TENM3: variants seen among roughly 807,000 people sequenced by gnomAD.
The protein encoded by TENM3 is teneurin-3.
In TENM3, 63 loss-of-function variants were observed where a neutral mutation model predicts 255.1. The ratio of observed to expected loss-of-function variants is 0.25; its 90% CI spans 0.20 to 0.30. TENM3 has a LOEUF of 0.30. TENM3 is among the 10% of genes least tolerant of loss of function. TENM3 has a pLI of 1.00. For synonymous variants in TENM3, 1,306 were observed against 1,322.3 expected (o/e 0.99, Z 0.27); for missense variants, 2,929 against 3,461.1 (o/e 0.85, Z 3.86).
intron 3 of TENM3, among the ~76,000 whole-genome samples, chr4:182,363,824 T>G (rs1325534672): frequency 6.6e-6 from 1 of 152,050 alleles, no homozygotes; most frequent in Non-Finnish European, 1.5e-5. Context: ...CCCTTCCAAC[T>G]GGTTAATATA....
intron 20 of TENM3, 23 bp downstream of exon 20, chr4:182,752,055 G>A (rs761284439): frequency 6.8e-5 from 91 of 1,331,796 alleles, no homozygotes; most frequent in Middle Eastern, 2.5e-4. Context: ...GGCGATTTGA[G>A]GATTTCTTTT....
At chr4:182,104,392 G>A in the TENM3 span, among the ~76,000 whole-genome samples, 1 of 151,960 alleles carries the variant, frequency 6.6e-6, no homozygotes, top group African/African-American at 2.4e-5. Flanking sequence ...TCCTTTCCAG[G>A]GACCTGCAAA....
At position 182,382,050 on chromosome 4, in the gene TENM3, G is replaced by A. The variant is rs72995421; in HGVS notation, c.511+35121G>A. Among the ~76,000 whole-genome samples the A allele has an allele frequency of 3.0e-3, 456 of 152,294 alleles. 3 individuals are homozygous for A. Among genetic ancestry groups the A allele is most frequent in the African/African-American group, 0.011 (438 of 41,550 alleles). On this transcript the variant is annotated intron_variant, in intron 3 of 27. Transcript: ENST00000511685. ...GTAGAGAAACCTAGGACGATGCTCT[G>A]ATAGAATGTATTAAAGAGGGAATTA...
intron 3 of TENM3, among the ~76,000 whole-genome samples, chr4:182,527,111 A>C (rs558230260): frequency 6.6e-6 from 1 of 152,340 alleles, no homozygotes; most frequent in Admixed American, 6.5e-5. Flanking sequence ...TTGAAAGCAA[A>C]TATTTCAATT....
chr4:182,060,997 AG>A, the TENM3 span, among the ~76,000 whole-genome samples: 1 of 152,184 alleles, frequency 6.6e-6, no homozygotes, highest in African/African-American at 2.4e-5. Context: ...CAGAAAGTTC[AG>A]GATGTGGTTC....
intron 4 of TENM3, among the ~76,000 whole-genome samples, chr4:182,624,627 G>A (rs1750651730): frequency 6.6e-6 from 1 of 152,124 alleles, no homozygotes; most frequent in Non-Finnish European, 1.5e-5. Flanking sequence ...CTGGAGGGAA[G>A]CCCTTTCTCC....
the TENM3 span, among the ~76,000 whole-genome samples, chr4:181,574,507 C>T: frequency 2.0e-5 from 3 of 150,280 alleles, no homozygotes; most frequent in African/African-American, 4.9e-5. Flanking sequence ...GTCCGCAGTC[C>T]GGCCTGGGCG....
the TENM3 span, among the ~76,000 whole-genome samples, chr4:181,876,409 A>G: frequency 6.6e-6 from 1 of 152,174 alleles, no homozygotes; most frequent in East Asian, 1.9e-4. Flanking sequence ...CTTATAGAAG[A>G]TTCAAACTGT....
chr4:182,019,079 C>T, the TENM3 span, among the ~76,000 whole-genome samples: 16 of 152,180 alleles, frequency 1.1e-4, no homozygotes, highest in Admixed American at 3.9e-4. Flanking sequence ...TGTCCTATTG[C>T]CTGGGCTGGT....
At chr4:182,585,221 T>C (rs979078041) in intron 3 of TENM3, among the ~76,000 whole-genome samples, 2 of 152,152 alleles carry the variant, frequency 1.3e-5, no homozygotes, top group Admixed American at 1.3e-4. Context: ...ATTACCCCAT[T>C]TTACAGGTGA....
the TENM3 span, among the ~76,000 whole-genome samples, chr4:181,641,554 G>GTATATA: frequency 0.038 from 1,011 of 26,566 alleles, 50 homozygotes; most frequent in East Asian, 0.13. Flanking sequence ...TGGTGTGTGT[G>GTATATA]TATATATATA....
chr4:182,543,009 T>A (rs1213732156), intron 3 of TENM3, among the ~76,000 whole-genome samples: 1 of 152,248 alleles, frequency 6.6e-6, no homozygotes, highest in Non-Finnish European at 1.5e-5. Flanking sequence ...CCAAGCCGTC[T>A]AACTTTGGAA....
At chr4:181,759,978 G>A in the TENM3 span, among the ~76,000 whole-genome samples, 1,593 of 152,158 alleles carry the variant, frequency 0.01, 30 homozygotes, top group African/African-American at 0.036. Flanking sequence ...AGAGCCGATA[G>A]GTCTGGCTCT....
chr4:181,686,771 A>T, the TENM3 span, among the ~76,000 whole-genome samples: 4 of 152,144 alleles, frequency 2.6e-5, no homozygotes, highest in African/African-American at 9.7e-5. Flanking sequence ...GTTTATTTTT[A>T]AAATCACTGT....
chr4:182,127,011 G>A, the TENM3 span, among the ~76,000 whole-genome samples: 1 of 152,224 alleles, frequency 6.6e-6, no homozygotes, highest in Non-Finnish European at 1.5e-5. Context: ...AAATGCATAT[G>A]TGGTATTTAA....
At chr4:181,574,488 G>A in the TENM3 span, among the ~76,000 whole-genome samples, 11 of 150,672 alleles carry the variant, frequency 7.3e-5, no homozygotes, top group South Asian at 2.1e-4. Flanking sequence ...CCGAGATCGT[G>A]CCACTGCAGT....
the TENM3 span, among the ~76,000 whole-genome samples, chr4:182,118,055 AT>A: frequency 6.6e-6 from 1 of 152,132 alleles, no homozygotes; most frequent in African/African-American, 2.4e-5. Flanking sequence ...TGTGATGTTA[AT>A]TGCTGCTATA....
chr4:181,564,040 CTTT>C, the TENM3 span, among the ~76,000 whole-genome samples: 6 of 79,792 alleles, frequency 7.5e-5, no homozygotes, highest in African/African-American at 1.6e-4. Flanking sequence ...TTTCTTTTTT[CTTT>C]TTTTTTTTTT....
chr4:182,352,158 G>C (rs1331419952), intron 3 of TENM3, among the ~76,000 whole-genome samples: 2 of 149,330 alleles, frequency 1.3e-5, no homozygotes, highest in Non-Finnish European at 3.0e-5. Flanking sequence ...CAAGTGTTCT[G>C]GCAAGATGGA....
Sources: gnomAD v4.1 joint callset for allele counts (sites outside exome capture counted in the v4.1 genomes callset) on GRCh38, gnomAD v4.1.1 for gene constraint, MANE v1.5 for transcripts, NCBI Gene and HGNC (gene_info 2026-07-23, HGNC 2026-07-21) for gene names.